Variants in VAV1 observed in about 807,000 individuals in gnomAD.
VAV1 encodes proto-oncogene vav.
In VAV1, 33 loss-of-function variants were observed where a neutral mutation model predicts 128.1. The observed-to-expected ratio is 0.26, with a 90% confidence interval of 0.20 to 0.34. The LOEUF is 0.34. Ranked by LOEUF, VAV1 falls within the 10% of genes least tolerant of loss-of-function variation. The probability of loss-of-function intolerance (pLI) is 1.00; values close to 1 mark genes in which losing one functional copy is unlikely to be tolerated. For synonymous variants in VAV1, 394 were observed against 409.8 expected, an observed-to-expected ratio of 0.96 and a Z score of 0.47; for missense variants, 715 against 1,093.7, an observed-to-expected ratio of 0.65 and a Z score of 4.88.
chr19:6,789,577 C>G (rs1185544962), intron 1 of VAV1, among the ~76,000 whole-genome samples: 1 of 144,522 alleles, frequency 6.9e-6, no homozygotes, highest in Non-Finnish European at 1.5e-5. Context: ...GTTCTGCTTT[C>G]TTTTCTTTTC....
chr19:6,800,965 TC>T (rs1474999190), intron 1 of VAV1, among the ~76,000 whole-genome samples: 1 of 152,156 alleles, frequency 6.6e-6, no homozygotes, highest in Non-Finnish European at 1.5e-5. Flanking sequence ...CACCATTCTC[TC>T]CTGTACCACC....
intron 24 of VAV1, among the ~76,000 whole-genome samples, chr19:6,852,708 C>G (rs1390077839): frequency 2.0e-5 from 3 of 148,398 alleles, no homozygotes; most frequent in South Asian, 2.1e-4. Context: ...GCGACAGAGC[C>G]AGACTCCGTC....
At chr19:6,833,073 T>G in intron 15 of VAV1, 111 bp from the exon 16 acceptor site, 1 of 889,542 alleles carries the variant, frequency 1.1e-6, no homozygotes, top group Non-Finnish European at 1.7e-6. Flanking sequence ...AATCAATGAA[T>G]GAGTGGACAC....
In VAV1 at chr19:6,811,684, G is replaced by T. The variant is rs556077450; in HGVS notation, c.205-9018G>T. On this transcript the variant is annotated intron_variant, in intron 1 of 26. Transcript: ENST00000602142. ...ATCTCCCTGCATATAATTACTGTAA[G>T]AATCGGCAAGAGAAGCTGGAATGGA... 5.9e-5 allele frequency among the ~76,000 whole-genome samples: 9 copies of T among 152,274 alleles called. No homozygotes were observed. In the South Asian group the frequency reaches 1.9e-3, roughly 32 times the overall value.
chr19:6,803,030 G>A (rs1971308137), intron 1 of VAV1, among the ~76,000 whole-genome samples: 1 of 152,188 alleles, frequency 6.6e-6, no homozygotes, highest in Non-Finnish European at 1.5e-5. Flanking sequence ...GCAACAAATT[G>A]TCCTTCGGTA....
intron 20 of VAV1, 128 bp from the exon 21 acceptor site, chr19:6,836,857 C>CG: frequency 1.4e-5 from 4 of 282,296 alleles, no homozygotes; most frequent in Admixed American, 4.4e-5. Flanking sequence ...CACACACACA[C>CG]ACACACACAC....
chr19:6,774,711 A>G (rs927078608), intron 1 of VAV1, among the ~76,000 whole-genome samples: 1 of 151,596 alleles, frequency 6.6e-6, no homozygotes, highest in Non-Finnish European at 1.5e-5. Flanking sequence ...CTGGAATTAC[A>G]GGTGTGAGCC....
intron 1 of VAV1, among the ~76,000 whole-genome samples, chr19:6,793,317 G>A (rs1971057677): frequency 2.0e-5 from 3 of 151,750 alleles, no homozygotes; most frequent in Non-Finnish European, 1.5e-5. Flanking sequence ...CTGGGTGACA[G>A]AGCGAGACTC....
intron 1 of VAV1, among the ~76,000 whole-genome samples, chr19:6,789,610 T>C (rs1161469361): frequency 6.6e-6 from 1 of 151,680 alleles, no homozygotes; most frequent in East Asian, 1.9e-4. Context: ...CTTCCTTCCT[T>C]CCTTTCTGAT....
chr19:6,825,700 C>A (rs1271586421), intron 8 of VAV1, among the ~76,000 whole-genome samples: 1 of 152,132 alleles, frequency 6.6e-6, no homozygotes, highest in Non-Finnish European at 1.5e-5. Flanking sequence ...GGGCCTGGCA[C>A]ATAGTAGATG....
rs1491089797 is a variant in VAV1, at chr19:6,814,658, TCC to T, written c.205-6043_205-6042del. 6.5e-3 allele frequency among the ~76,000 whole-genome samples: 437 copies of T among 67,616 alleles called. 4 individuals carry two copies. The highest frequency in any genetic ancestry group is 0.042 in the African/African-American group (389 of 9,238). The allele number at this position is 67,616 out of a possible 152,430, so 44.4% of individuals were successfully genotyped here. On this transcript the variant is annotated intron_variant, in intron 1 of 26. Coordinates refer to ENST00000602142, the MANE Select transcript of VAV1 (RefSeq NM_005428.4). ...TTCTCTCCTTCCTTCCTTCCTTCCT[TCC>T]TTCCTTCCTTCCTTTCTTTCTTTCT...
At chr19:6,823,130 C>CTTT (rs11292307) in intron 6 of VAV1, among the ~76,000 whole-genome samples, 48 of 143,180 alleles carry the variant, frequency 3.4e-4, no homozygotes, top group Admixed American at 4.9e-4. Context: ...ATCTATCTAT[C>CTTT]TTTTTTTTTT....
Position 6,827,863 on chromosome 19 carries a change from G to T in VAV1, c.928-213G>T, listed in dbSNP as rs73484438. 3.0e-3 allele frequency among the ~76,000 whole-genome samples: 453 copies of T among 151,854 alleles called. 4 individuals are homozygous for T. The highest frequency in any genetic ancestry group is 0.01 in the African/African-American group (433 of 41,390). On this transcript the variant is annotated intron_variant, in intron 9 of 26. Coordinates refer to ENST00000602142, the MANE Select transcript of VAV1 (RefSeq NM_005428.4). Reference sequence around the variant, plus strand: ...GATCCTCCCGCCTCGGCCTCCCAAAGTTCCTTCCAGTGGTTCTCAAGCTGC... The same window carrying T: ...GATCCTCCCGCCTCGGCCTCCCAAATTTCCTTCCAGTGGTTCTCAAGCTGC...
In VAV1 at chr19:6,806,818, G is replaced by A. The variant is rs113589688; in HGVS notation, c.205-13884G>A. ...AAGAGAAAGAGGAAAGGGTATGGATGTGTGCATAATTAGTTAATGAATATA... is the reference window on the plus strand; with the variant it reads ...AAGAGAAAGAGGAAAGGGTATGGATATGTGCATAATTAGTTAATGAATATA... On this transcript the variant is annotated intron_variant, in intron 1 of 26. Coordinates refer to ENST00000602142, the MANE Select transcript of VAV1 (RefSeq NM_005428.4). 8.3e-4 allele frequency among the ~76,000 whole-genome samples: 126 copies of A among 152,358 alleles called. 3 individuals are homozygous for A. Among genetic ancestry groups the A allele is most frequent in the African/African-American group, 2.9e-3 (121 of 41,582 alleles).
intron 16 of VAV1, 54 bp from the exon 17 acceptor site, chr19:6,833,474 T>C: frequency 6.6e-7 from 1 of 1,511,288 alleles, no homozygotes; most frequent in South Asian, 1.3e-5. Flanking sequence ...GCAGAATATT[T>C]GGCCCTGTCT....
intron 26 of VAV1, among the ~76,000 whole-genome samples, chr19:6,855,545 A>G (rs555901932): frequency 3.3e-5 from 5 of 152,156 alleles, no homozygotes; most frequent in Non-Finnish European, 7.4e-5. Flanking sequence ...GCATCTATCT[A>G]ACCATCTATC....
chr19:6,835,444 T>G (rs1972197298), intron 19 of VAV1, among the ~76,000 whole-genome samples: 1 of 152,190 alleles, frequency 6.6e-6, no homozygotes, highest in South Asian at 2.1e-4. Context: ...TTTGCTCACG[T>G]TAGCCTTGAA....
chr19:6,826,033 ACT>A lies in VAV1; in HGVS notation c.828-576_828-575del, dbSNP rs1256744481. On this transcript the variant is annotated intron_variant, in intron 8 of 26. Coordinates refer to ENST00000602142, the MANE Select transcript of VAV1 (RefSeq NM_005428.4). This position sits in a 1 kb window ranked among gnomAD's most constrained non-coding sequence, Gnocchi z 4.1. ...ACTCCAGCCTAGGCAACAGAGCAAG[ACT>A]CTGTCTCAGAAATAAAAACAGGCCA... Among the ~76,000 whole-genome samples, 1 of 142,772 alleles carries A rather than the reference ACT, an allele frequency of 7.0e-6. No homozygotes were observed. Among genetic ancestry groups the A allele is most frequent in the Non-Finnish European group, 1.5e-5 (1 of 65,146 alleles). 93.7% of individuals were successfully genotyped at this position (142,772 alleles called of 152,430 possible). A position where few individuals can be genotyped will look rare whatever the true frequency, so the allele number is the denominator to read the frequency against.
rs71177123 is a variant in VAV1 at position 6,844,063 on chromosome 19, C to CTTTTTTTTTT, written c.2012+929_2012+938dup. On this transcript the variant is annotated intron_variant, in intron 22 of 26. Transcript: ENST00000602142. ...ACTTTCTTCTTTTCTTCTTCTTCTT[C>CTTTTTTTTTT]TTTTTTTTTTTTTTTTTTTTTTTTT... is the stretch of plus-strand genomic sequence containing the variant. Among the ~76,000 whole-genome samples the CTTTTTTTTTT allele has an allele frequency of 3.6e-3, 76 of 21,324 alleles. 24 individuals are homozygous for CTTTTTTTTTT. Among genetic ancestry groups the CTTTTTTTTTT allele is most frequent in the African/African-American group, 6.9e-3 (56 of 8,150 alleles). 14.0% of individuals were successfully genotyped at this position (21,324 alleles called of 152,430 possible).
Sources: gnomAD v4.1 joint callset for allele counts (sites outside exome capture counted in the v4.1 genomes callset) on GRCh38, gnomAD v4.1.1 for gene constraint, Gnocchi (gnomAD v3.1) non-coding constraint, MANE v1.5 for transcripts, NCBI Gene and HGNC (gene_info 2026-07-23, HGNC 2026-07-21) for gene names.